RNF185: variants seen among roughly 807,000 people sequenced by gnomAD.
RNF185 encodes the protein E3 ubiquitin-protein ligase RNF185.
Under a neutral mutation model 24.9 loss-of-function variants are expected in RNF185, and 13 were observed. The observed-to-expected ratio is 0.52, with a 90% confidence interval of 0.34 to 0.83. The LOEUF (loss-of-function observed/expected upper bound fraction) is 0.83. Among genes scored for constraint, RNF185 ranks in the 40% least tolerant of loss-of-function variants. The probability of loss-of-function intolerance (pLI) is 0.01; values close to 1 mark genes in which losing one functional copy is unlikely to be tolerated. For synonymous variants in RNF185, 79 were observed against 90.3 expected, an observed-to-expected ratio of 0.88 and a Z score of 0.71; for missense variants, 184 against 244.7, an observed-to-expected ratio of 0.75 and a Z score of 1.65.
intron 5 of RNF185, among the ~76,000 whole-genome samples, chr22:31,198,028 T>A (rs2048223659): frequency 6.6e-6 from 1 of 152,230 alleles, no homozygotes; most frequent in Non-Finnish European, 1.5e-5. Flanking sequence ...GTTAAAATGT[T>A]AAAGAAATTT....
chr22:31,173,403 T>TCACACACACA (rs1239424812), intron 1 of RNF185, among the ~76,000 whole-genome samples: 1 of 49,978 alleles, frequency 2.0e-5, no homozygotes, highest in Non-Finnish European at 3.9e-5. Context: ...GTCAACTCAT[T>TCACACACACA]CACACACACA....
intron 1 of RNF185, among the ~76,000 whole-genome samples, chr22:31,174,440 C>T (rs772325449): frequency 2.6e-5 from 4 of 151,946 alleles, no homozygotes; most frequent in African/African-American, 4.8e-5. Flanking sequence ...AGTGCAGTGG[C>T]GTCATCATCG....
At chr22:31,160,812 C>A (rs1029047689) in intron 1 of RNF185, among the ~76,000 whole-genome samples, 1 of 152,192 alleles carries the variant, frequency 6.6e-6, no homozygotes, top group Non-Finnish European at 1.5e-5. Flanking sequence ...ATGGTTCTTA[C>A]ACCATCTGCT....
intron 1 of RNF185, among the ~76,000 whole-genome samples, chr22:31,168,287 TG>T (rs1208951863): frequency 6.6e-6 from 1 of 152,226 alleles, no homozygotes; most frequent in Non-Finnish European, 1.5e-5. Flanking sequence ...CCCAAGTAGC[TG>T]GGGTTATGTG....
chr22:31,200,164 C>G (rs1386972745), intron 5 of RNF185, among the ~76,000 whole-genome samples: 3 of 152,018 alleles, frequency 2.0e-5, no homozygotes, highest in African/African-American at 7.3e-5. Context: ...TGAGACCAGC[C>G]TGAGCAACAA....
intron 1 of RNF185, among the ~76,000 whole-genome samples, chr22:31,180,913 C>CTG (rs751657598): frequency 8.0e-4 from 49 of 60,880 alleles, no homozygotes; most frequent in East Asian, 3.8e-3. Flanking sequence ...TTCTCTCTCT[C>CTG]TCTGTGTGTG....
chr22:31,170,852 A>G (rs956914016), intron 1 of RNF185, among the ~76,000 whole-genome samples: 1 of 151,902 alleles, frequency 6.6e-6, no homozygotes, highest in African/African-American at 2.4e-5. Context: ...TTTTGAGACA[A>G]GGTCTTTGTA....
At chr22:31,162,167 T>C (rs1158077977) in intron 1 of RNF185, among the ~76,000 whole-genome samples, 1 of 152,226 alleles carries the variant, frequency 6.6e-6, no homozygotes, top group East Asian at 1.9e-4. Flanking sequence ...CTCCATATTA[T>C]GACCCAGTTC....
At chr22:31,164,984 C>T (rs1479741162) in intron 1 of RNF185, among the ~76,000 whole-genome samples, 1 of 151,996 alleles carries the variant, frequency 6.6e-6, no homozygotes, top group Non-Finnish European at 1.5e-5. Flanking sequence ...AATCTTGGCT[C>T]ACCGCAACAT....
chr22:31,175,240 A>G (rs1057330637), intron 1 of RNF185, among the ~76,000 whole-genome samples: 2 of 152,008 alleles, frequency 1.3e-5, no homozygotes, highest in African/African-American at 4.8e-5. Context: ...GCTTGAGCCC[A>G]GGAGTTCAAG....
chr22:31,167,610 C>CTTTTTTTTTTTTTT, intron 1 of RNF185, among the ~76,000 whole-genome samples: 1 of 107,364 alleles, frequency 9.3e-6, no homozygotes, highest in African/African-American at 4.0e-5. Flanking sequence ...GGGTTTTTTC[C>CTTTTTTTTTTTTTT]TTTTTTTTTT....
At chr22:31,192,589 C>A in intron 2 of RNF185, 95 bp from the exon 3 acceptor site, 1 of 1,025,800 alleles carries the variant, frequency 9.7e-7, no homozygotes, top group Non-Finnish European at 1.6e-6. Flanking sequence ...TACTACCACT[C>A]CACCCATCAA....
At chr22:31,190,089 A>C (rs2147950804) in intron 2 of RNF185, among the ~76,000 whole-genome samples, 1 of 152,320 alleles carries the variant, frequency 6.6e-6, no homozygotes, top group East Asian at 1.9e-4. Context: ...TTAAGAAATG[A>C]AAAGGTATTC....
intron 2 of RNF185, among the ~76,000 whole-genome samples, chr22:31,189,509 C>G (rs1212250336): frequency 6.6e-6 from 1 of 151,342 alleles, no homozygotes; most frequent in Non-Finnish European, 1.5e-5. Context: ...GCTGGCCAAG[C>G]TGGTTTCAAA....
At chr22:31,201,722 G>A in intron 6 of RNF185, 107 bp downstream of exon 6, 1 of 778,544 alleles carries the variant, frequency 1.3e-6, no homozygotes, top group South Asian at 1.6e-5. Flanking sequence ...TCACTACATG[G>A]ATAATCAGCC....
intron 5 of RNF185, among the ~76,000 whole-genome samples, chr22:31,199,700 C>T (rs2048242138): frequency 6.6e-6 from 1 of 152,212 alleles, no homozygotes; most frequent in East Asian, 1.9e-4. Flanking sequence ...CAGCCTCAGT[C>T]CCAGGAGCCA....
At chr22:31,165,894 C>G (rs931531709) in intron 1 of RNF185, among the ~76,000 whole-genome samples, 3 of 152,226 alleles carry the variant, frequency 2.0e-5, no homozygotes, top group Admixed American at 2.0e-4. Flanking sequence ...TATCTTGACC[C>G]TACAGCATTT....
intron 1 of RNF185, among the ~76,000 whole-genome samples, chr22:31,177,201 T>C (rs1240383968): frequency 6.6e-6 from 1 of 152,132 alleles, no homozygotes; most frequent in African/African-American, 2.4e-5. Context: ...CTGGGTTGCC[T>C]TGTTGGTTCA....
chr22:31,164,309 T>C (rs750744145), intron 1 of RNF185, among the ~76,000 whole-genome samples: 20 of 152,184 alleles, frequency 1.3e-4, no homozygotes, highest in African/African-American at 4.1e-4. Flanking sequence ...TTTACTCTTA[T>C]ACTAAACTTG....
Sources: gnomAD v4.1 joint callset for allele counts (sites outside exome capture counted in the v4.1 genomes callset) on GRCh38, gnomAD v4.1.1 for gene constraint, MANE v1.5 for transcripts, NCBI Gene and HGNC (gene_info 2026-07-23, HGNC 2026-07-21) for gene names.